The following ZNF280D variants were observed in gnomAD, a reference collection of about 807,000 sequenced individuals.
The protein encoded by ZNF280D is suppressor of hairy wing homolog 4.
ZNF280D carries 39 observed loss-of-function variants against 94.7 expected under a neutral mutation model. The observed-to-expected ratio is 0.41, with a 90% CI of 0.32 to 0.54. The LOEUF is 0.54. Among genes scored for constraint, ZNF280D ranks in the 20% least tolerant of loss-of-function variants. The pLI is 0.22. For synonymous variants in ZNF280D, 398 were observed against 377.6 expected (o/e 1.05, Z -0.63); for missense variants, 1,090 against 1,149.3 (o/e 0.95, Z 0.75).
chr15:56,710,739 G>C (rs895282615), intron 1 of ZNF280D, among the ~76,000 whole-genome samples: 1 of 152,022 alleles, frequency 6.6e-6, no homozygotes, highest in Non-Finnish European at 1.5e-5. Context: ...TCCATTGATA[G>C]ATATCACCCG....
Position 56,721,108 on chromosome 15 carries a change from A to G in ZNF280D, c.-86+12350T>C, listed in dbSNP as rs1051965803. 3.3e-5 allele frequency among the ~76,000 whole-genome samples: 5 copies of G among 152,076 alleles called. No homozygotes were observed. The South Asian group carries it at 1.0e-3, about 31-fold the overall frequency. The stretch of plus-strand genomic sequence containing the variant: ...CTCCCGAATAACTGGGACTACAGGC[A>G]TGCACCACCACGCCTGGCTAATTTT... On this transcript the variant is annotated intron_variant, in intron 1 of 21. Coordinates refer to ENST00000267807, the MANE Select transcript of ZNF280D (RefSeq NM_017661.4).
intron 3 of ZNF280D, 128 bp downstream of exon 3, chr15:56,706,954 T>C (rs2057440267): frequency 1.2e-6 from 1 of 810,890 alleles, no homozygotes; most frequent in Non-Finnish European, 2.0e-6. Context: ...TATGTGAACA[T>C]TTGTTACTTT....
chr15:56,651,363 A>T (rs1394983947), intron 19 of ZNF280D, among the ~76,000 whole-genome samples: 1 of 152,204 alleles, frequency 6.6e-6, no homozygotes, highest in African/African-American at 2.4e-5. Flanking sequence ...AATGATGGTA[A>T]GGAGGGATTA....
intron 4 of ZNF280D, among the ~76,000 whole-genome samples, chr15:56,703,445 C>T (rs1482226963): frequency 3.3e-5 from 5 of 152,086 alleles, no homozygotes; most frequent in African/African-American, 4.8e-5. Context: ...TGAGAAGTCC[C>T]GTTTGAGACT....
intron 1 of ZNF280D, among the ~76,000 whole-genome samples, chr15:56,722,566 A>C (rs572122366): frequency 6.6e-6 from 1 of 152,232 alleles, no homozygotes; most frequent in Non-Finnish European, 1.5e-5. Flanking sequence ...ATCATTAAAA[A>C]GTCAGGAAAC....
At chr15:56,715,207 G>C (rs1443101395) in intron 1 of ZNF280D, among the ~76,000 whole-genome samples, 1 of 152,018 alleles carries the variant, frequency 6.6e-6, no homozygotes, top group Non-Finnish European at 1.5e-5. Flanking sequence ...ATTAGCCAGG[G>C]GTTAGGAAAT....
At chr15:56,669,958 TA>T (rs1255468553) in intron 13 of ZNF280D, among the ~76,000 whole-genome samples, 44 of 3,822 alleles carry the variant, frequency 0.012, 11 homozygotes, top group African/African-American at 0.047. Context: ...ATTATATATA[TA>T]TATTATATAT....
intron 9 of ZNF280D, 162 bp downstream of exon 9, chr15:56,688,879 G>A: frequency 2.3e-6 from 1 of 434,112 alleles, no homozygotes. Flanking sequence ...GGATTTAGAA[G>A]GAATTTGAGA....
chr15:56,672,173 C>G (rs1454498563), intron 13 of ZNF280D, among the ~76,000 whole-genome samples: 1 of 152,062 alleles, frequency 6.6e-6, no homozygotes, highest in African/African-American at 2.4e-5. Flanking sequence ...TGCATTGTTT[C>G]TTTCTTTTGC....
intron 9 of ZNF280D, among the ~76,000 whole-genome samples, chr15:56,688,547 C>A (rs1422518259): frequency 6.7e-6 from 1 of 148,948 alleles, no homozygotes; most frequent in Non-Finnish European, 1.5e-5. Flanking sequence ...GAACTATATT[C>A]TGGACTGAGT....
At chr15:56,711,641 G>C (rs1332629786) in intron 1 of ZNF280D, among the ~76,000 whole-genome samples, 1 of 152,118 alleles carries the variant, frequency 6.6e-6, no homozygotes, top group African/African-American at 2.4e-5. Context: ...TCCAGTCTGG[G>C]TGACACAGCA....
chr15:56,667,260 T>C (rs1395800081), intron 14 of ZNF280D, among the ~76,000 whole-genome samples: 1 of 152,172 alleles, frequency 6.6e-6, no homozygotes, highest in Non-Finnish European at 1.5e-5. Flanking sequence ...TATATGAATA[T>C]ACAAAGAGCA....
At chr15:56,634,291 A>ATT (rs5812844) in intron 21 of ZNF280D, 1 of 152,084 alleles carries the variant, frequency 6.6e-6, no homozygotes, top group Non-Finnish European at 1.5e-5. Context: ...GGAAAAAATT[A>ATT]TTTTTTCCTC....
intron 9 of ZNF280D, among the ~76,000 whole-genome samples, chr15:56,687,599 A>T (rs1272584710): frequency 1.3e-5 from 2 of 152,202 alleles, no homozygotes; most frequent in African/African-American, 4.8e-5. Flanking sequence ...CAGGCTTTTT[A>T]ATTTTGAATC....
intron 1 of ZNF280D, among the ~76,000 whole-genome samples, chr15:56,720,647 T>C (rs531877800): frequency 3.0e-4 from 46 of 152,266 alleles, no homozygotes; most frequent in African/African-American, 1.1e-3. Flanking sequence ...TTCTTAAATA[T>C]TAAGACTTGA....
intron 1 of ZNF280D, among the ~76,000 whole-genome samples, chr15:56,718,815 C>T (rs185221694): frequency 6.6e-6 from 1 of 152,192 alleles, no homozygotes; most frequent in Non-Finnish European, 1.5e-5. Context: ...GTATCCACCT[C>T]AAGACCCCAA....
rs114956955 is a variant in ZNF280D, at chr15:56,683,854, A to C, written c.781-1377T>G. Among the ~76,000 whole-genome samples, 700 of 152,312 alleles carry C rather than the reference A, an allele frequency of 4.6e-3. 7 individuals carry two copies. Among genetic ancestry groups the C allele is most frequent in the African/African-American group, 0.016 (672 of 41,574 alleles). The stretch of plus-strand genomic sequence containing the variant: ...AGATAAAAGCCACAGACTCCATAAT[A>C]TACGAAAGCACTATTCAAAGAAGCC... On this transcript the variant is annotated intron_variant, in intron 9 of 21. Coordinates refer to ENST00000267807, the MANE Select transcript of ZNF280D (RefSeq NM_017661.4).
chr15:56,641,482 C>T (rs1397448743), intron 20 of ZNF280D, among the ~76,000 whole-genome samples: 1 of 151,930 alleles, frequency 6.6e-6, no homozygotes, highest in East Asian at 1.9e-4. Context: ...AGTGTCTCAA[C>T]TGCATTTATC....
At chr15:56,725,175 T>C (rs1204693090) in intron 1 of ZNF280D, among the ~76,000 whole-genome samples, 11 of 152,104 alleles carry the variant, frequency 7.2e-5, no homozygotes, top group South Asian at 4.1e-4. Context: ...AATTAGTTCA[T>C]AGACTGATCA....
Sources: allele counts gnomAD v4.1 joint callset (sites outside exome capture counted in the v4.1 genomes callset), GRCh38; gene constraint gnomAD v4.1.1; transcripts MANE v1.5; gene names NCBI Gene and HGNC (gene_info 2026-07-23, HGNC 2026-07-21).